Variants in RBMS3 observed in about 807,000 individuals in gnomAD.
RBMS3 encodes RNA-binding motif, single-stranded-interacting protein 3.
A neutral mutation model predicts 66.8 loss-of-function variants in RBMS3; 27 were observed. The ratio of observed to expected loss-of-function variants is 0.40; its 90% CI spans 0.30 to 0.56. The LOEUF (loss-of-function observed/expected upper bound fraction) is 0.56. RBMS3 is among the 20% of genes least tolerant of loss of function. The probability of loss-of-function intolerance (pLI) is 0.40; values close to 1 mark genes in which losing one functional copy is unlikely to be tolerated. For synonymous variants in RBMS3, 188 were observed against 183.0 expected (o/e 1.03, Z -0.22); for missense variants, 513 against 549.5 (o/e 0.93, Z 0.66).
At chr3:29,655,089 C>A (rs2050279482) in intron 4 of RBMS3, among the ~76,000 whole-genome samples, 1 of 152,116 alleles carries the variant, frequency 6.6e-6, no homozygotes, top group Non-Finnish European at 1.5e-5. Context: ...GTGTCTTCAT[C>A]TGTGAAATAG....
chr3:29,758,873 A>C (rs1576718367), intron 5 of RBMS3, among the ~76,000 whole-genome samples: 1 of 152,182 alleles, frequency 6.6e-6, no homozygotes, highest in Non-Finnish European at 1.5e-5. Context: ...ACAACGTTAG[A>C]TACTCTAAGT....
rs1272431311 is a variant in RBMS3 at position 29,897,292 on chromosome 3, T to A, written c.792-87T>A. On this transcript the variant is annotated intron_variant, in intron 8 of 14. Transcript: ENST00000383767. Reference sequence around the variant, plus strand: ...GGAAAAACGTGCGGGTGGAAATATGTCTTTCCCATAGGTACTTGATAGCAT... The same window carrying A: ...GGAAAAACGTGCGGGTGGAAATATGACTTTCCCATAGGTACTTGATAGCAT... 8 of 1,185,602 alleles carry A rather than the reference T, an allele frequency of 6.7e-6. No homozygotes were observed. The Admixed American group carries it at 1.2e-4, about 18-fold the overall frequency. 73.4% of individuals were successfully genotyped at this position (1,185,602 alleles called of 1,614,324 possible).
chr3:29,931,844 A>C (rs9856093), intron 10 of RBMS3, among the ~76,000 whole-genome samples: 41,486 of 152,014 alleles, frequency 0.27, 6,342 homozygotes, highest in East Asian at 0.62. Flanking sequence ...AAACTGGCAA[A>C]AATCAGACAT....
At chr3:29,550,477 GTAA>G (rs1184468264) in intron 3 of RBMS3, among the ~76,000 whole-genome samples, 17 of 152,020 alleles carry the variant, frequency 1.1e-4, no homozygotes, top group South Asian at 2.1e-4. Context: ...ATGATTTAGT[GTAA>G]TAATAGTATA....
At chr3:29,846,389 C>G (rs1171364924) in intron 6 of RBMS3, among the ~76,000 whole-genome samples, 1 of 152,004 alleles carries the variant, frequency 6.6e-6, no homozygotes, top group Non-Finnish European at 1.5e-5. Flanking sequence ...GGGCTTCAGC[C>G]ACTGGGTGGA....
intron 10 of RBMS3, among the ~76,000 whole-genome samples, chr3:29,931,882 T>G (rs1285473415): frequency 1.3e-5 from 2 of 152,194 alleles, no homozygotes; most frequent in Non-Finnish European, 2.9e-5. Context: ...AATAGTGACT[T>G]AAAACCACCT....
At chr3:29,442,441 A>G (rs79107551) in intron 2 of RBMS3, among the ~76,000 whole-genome samples, 1 of 152,260 alleles carries the variant, frequency 6.6e-6, no homozygotes, top group African/African-American at 2.4e-5. Flanking sequence ...ATATTTTTCC[A>G]TATCTATCTT....
intron 14 of RBMS3, among the ~76,000 whole-genome samples, chr3:29,992,844 G>A (rs1030527755): frequency 3.1e-5 from 4 of 130,696 alleles, no homozygotes; most frequent in Admixed American, 1.6e-4. Context: ...TCATATCAAC[G>A]ATAGGCTATT....
At chr3:29,661,366 T>A (rs1193078514) in intron 4 of RBMS3, among the ~76,000 whole-genome samples, 1 of 152,214 alleles carries the variant, frequency 6.6e-6, no homozygotes, top group Non-Finnish European at 1.5e-5. Context: ...ATTCTGGCAT[T>A]ATTATTTCTC....
chr3:29,985,002 AC>A (rs1234903370), intron 12 of RBMS3, among the ~76,000 whole-genome samples: 4 of 152,122 alleles, frequency 2.6e-5, no homozygotes, highest in African/African-American at 9.7e-5. Flanking sequence ...GCCCACAGCC[AC>A]TCATACCCAC....
chr3:29,733,785 T>G (rs1004545598), intron 4 of RBMS3, among the ~76,000 whole-genome samples: 4 of 152,128 alleles, frequency 2.6e-5, no homozygotes, highest in Non-Finnish European at 5.9e-5. Flanking sequence ...TTGTTGCCTG[T>G]GCTTTTGAAG....
intron 1 of RBMS3, among the ~76,000 whole-genome samples, chr3:29,287,976 T>C (rs1559461966): frequency 2.0e-5 from 3 of 152,102 alleles, no homozygotes; most frequent in Non-Finnish European, 4.4e-5. Context: ...TGTTTTGTTT[T>C]ATCCATGTAG....
At position 29,588,708 on chromosome 3, in the gene RBMS3, G is replaced by A. The variant is rs189270705; in HGVS notation, c.399+1503G>A. Among the ~76,000 whole-genome samples the A allele has an allele frequency of 2.9e-4, 44 of 151,968 alleles. 1 individual carries two copies. In the East Asian group the frequency reaches 6.6e-3, roughly 23 times the overall value. Reference sequence around the variant, plus strand: ...CCTAGAAGCTTTGGATTTTTTTCATGGACTAAGATTGATGAAGTTAGCATT... The same window carrying A: ...CCTAGAAGCTTTGGATTTTTTTCATAGACTAAGATTGATGAAGTTAGCATT... On this transcript the variant is annotated intron_variant, in intron 4 of 14. Coordinates refer to ENST00000383767, the MANE Select transcript of RBMS3 (RefSeq NM_001003793.3).
At position 29,876,389 on chromosome 3, in the gene RBMS3, AG is replaced by A. The variant is rs2059612278; in HGVS notation, c.744+7426del. Among the ~76,000 whole-genome samples the A allele has an allele frequency of 3.9e-5, 6 of 152,350 alleles. No individual in the cohort carries two copies. In the South Asian group the frequency reaches 1.2e-3, roughly 32 times the overall value. ...TTTACTAACAAAATAGGAAAAAAAA[AG>A]CTTCAAAATATTTTCAAATAAAAAT... On this transcript the variant is annotated intron_variant, in intron 7 of 14. Coordinates refer to ENST00000383767, the MANE Select transcript of RBMS3 (RefSeq NM_001003793.3).
chr3:29,327,220 T>C (rs902817951), intron 1 of RBMS3, among the ~76,000 whole-genome samples: 1 of 152,226 alleles, frequency 6.6e-6, no homozygotes, highest in African/African-American at 2.4e-5. Flanking sequence ...GTTTTGAATG[T>C]ATTCCACCAG....
At position 29,469,664 on chromosome 3, in the gene RBMS3, C is replaced by CATATATATAT. The variant is rs138407126; in HGVS notation, c.249-18771_249-18762dup. 2.8e-3 allele frequency among the ~76,000 whole-genome samples: 421 copies of CATATATATAT among 148,330 alleles called. 3 individuals carry two copies. Among genetic ancestry groups the CATATATATAT allele is most frequent in the African/African-American group, 9.6e-3 (389 of 40,654 alleles). On this transcript the variant is annotated intron_variant, in intron 2 of 14. Coordinates refer to ENST00000383767, the MANE Select transcript of RBMS3 (RefSeq NM_001003793.3). ...ACAACTAACATGGGAAAAACTAAAC[C>CATATATATAT]ATATATATATATATACATACGTATA...
chr3:29,633,630 C>G (rs1299806052), intron 4 of RBMS3, among the ~76,000 whole-genome samples: 1 of 151,710 alleles, frequency 6.6e-6, no homozygotes, highest in African/African-American at 2.4e-5. Flanking sequence ...AAACCTGTTT[C>G]TACCCTAAAA....
At chr3:29,888,892 T>C (rs1013016570) in intron 8 of RBMS3, among the ~76,000 whole-genome samples, 1 of 151,708 alleles carries the variant, frequency 6.6e-6, no homozygotes, top group Non-Finnish European at 1.5e-5. Flanking sequence ...TCCGTGCCAC[T>C]GGTTGAATTT....
rs1031696413 is a variant in RBMS3, at chr3:29,589,450, T to A, written c.399+2245T>A. Among the ~76,000 whole-genome samples the A allele has an allele frequency of 4.6e-5, 7 of 152,130 alleles. No homozygotes were observed. The East Asian group carries it at 1.2e-3, about 25-fold the overall frequency. The stretch of plus-strand genomic sequence containing the variant: ...TTATTTCTGTAGTCTGCTCAAAGAT[T>A]TTACCTTATTAATTCTGCTGCCTGT... On this transcript the variant is annotated intron_variant, in intron 4 of 14. Transcript: ENST00000383767.
Sources: gnomAD v4.1 joint callset for allele counts (sites outside exome capture counted in the v4.1 genomes callset) on GRCh38, gnomAD v4.1.1 for gene constraint, MANE v1.5 for transcripts, NCBI Gene and HGNC (gene_info 2026-07-23, HGNC 2026-07-21) for gene names.